LIPM: variants seen among roughly 807,000 people sequenced by gnomAD.
LIPM encodes the protein lipase family member M.
A neutral mutation model predicts 42.4 loss-of-function variants in LIPM; 42 were observed. The observed-to-expected ratio is 0.99, with a 90% CI of 0.77 to 1.28. LIPM has a LOEUF of 1.28. LIPM is among the 50% of genes most tolerant of loss of function. The pLI, the probability that LIPM is intolerant of heterozygous loss-of-function variation, is 0.00. For missense variants in LIPM, 524 were observed against 520.1 expected, an observed-to-expected ratio of 1.01 and a Z score of -0.07; for synonymous variants, 177 against 173.3, an observed-to-expected ratio of 1.02 and a Z score of -0.17.
Position 88,815,477 on chromosome 10 carries a change from G to T in LIPM, c.832G>T (p.Gly278Ter). ...TAGTAATATCATGTTACTTCTGGGT[G>T]GATTCAACACCAACAATATGAACAT... ...ICSNIMLLLG[G>*]FNTNNMNMSR... Residue 278 changes from glycine (G) to a stop codon, truncating the protein, a stop_gained, in exon 6 of 9, where the codon GGA becomes TGA. Transcript: ENST00000404743. LOFTEE classifies it high-confidence loss of function. The T allele has an allele frequency of 6.4e-7, 1 of 1,551,344 alleles. No homozygotes were observed. Among genetic ancestry groups the T allele is most frequent in the East Asian group, 2.4e-5 (1 of 40,898 alleles).
intron 8 of LIPM, 35 bp downstream of exon 8, chr10:88,817,931 T>G (rs1302019591): frequency 6.9e-7 from 1 of 1,457,908 alleles, no homozygotes; most frequent in African/African-American, 1.4e-5. Context: ...TGAAAATATA[T>G]ACATTGGAAA....
At chr10:88,804,033 T>C (rs1202714701) in intron 1 of LIPM, among the ~76,000 whole-genome samples, 1 of 152,214 alleles carries the variant, frequency 6.6e-6, no homozygotes, top group Non-Finnish European at 1.5e-5. Flanking sequence ...CTTTAACATG[T>C]ATTTATACCG....
chr10:88,814,788 AT>A, intron 4 of LIPM, 149 bp downstream of exon 4: 1 of 662,972 alleles, frequency 1.5e-6, no homozygotes, highest in South Asian at 1.9e-5. Flanking sequence ...TGTCTAGCAT[AT>A]AGACATATGT....
At chr10:88,814,438 T>C in intron 3 of LIPM, 92 bp from the exon 4 acceptor site, 1 of 808,134 alleles carries the variant, frequency 1.2e-6, no homozygotes. Context: ...AGTTGACAAC[T>C]CAAGGGCTTG....
At chr10:88,820,096 C>G in intron 8 of LIPM, 136 bp from the exon 9 acceptor site, 1 of 659,240 alleles carries the variant, frequency 1.5e-6, no homozygotes, top group Non-Finnish European at 2.5e-6. Flanking sequence ...AAATTCTTAA[C>G]AGAGTTGTGT....
Position 88,803,053 on chromosome 10 carries a change from G to T in LIPM, c.147+10G>T. The T allele has an allele frequency of 6.5e-7, 1 of 1,549,480 alleles. No individual in the cohort carries two copies. The highest frequency in any genetic ancestry group is 8.7e-7 in the Non-Finnish European group (1 of 1,146,106). On this transcript the variant is annotated intron_variant, in intron 1 of 8. Coordinates refer to ENST00000404743, the MANE Select transcript of LIPM (RefSeq NM_001128215.1). ...AGCATTCATGAATATTGTAAGTTGGGATTTCTGGGAAATGAGGTACTTAAC... is the reference window on the plus strand; with the variant it reads ...AGCATTCATGAATATTGTAAGTTGGTATTTCTGGGAAATGAGGTACTTAAC...
intron 1 of LIPM, among the ~76,000 whole-genome samples, 178 bp downstream of exon 1, chr10:88,803,221 T>C (rs1843548994): frequency 6.6e-6 from 1 of 152,210 alleles, no homozygotes; most frequent in African/African-American, 2.4e-5. Context: ...ACCTGGGGTC[T>C]CCTCACACAA....
rs1411685232 is a variant in LIPM at position 88,816,844 on chromosome 10, C to T, written c.887C>T (p.Thr296Ile). ...CGAGCAAGTGTATATGCTGCCCACA[C>T]TCTTGCTGGAACATCTGTGCAAAAT... is the stretch of plus-strand genomic sequence containing the variant. ...MSRASVYAAH[T>I]LAGTSVQNIL... The change falls in exon 7 of 9, where the codon ACT becomes ATT. Residue 296 changes from threonine (T) to isoleucine (I), a missense_variant. Coordinates refer to ENST00000404743, the MANE Select transcript of LIPM (RefSeq NM_001128215.1). The T allele has an allele frequency of 6.4e-7, 1 of 1,551,514 alleles. No homozygotes were observed. Among genetic ancestry groups the T allele is most frequent in the Admixed American group, 2.0e-5 (1 of 51,008 alleles).
At position 88,808,355 on chromosome 10, in the gene LIPM, G is replaced by T; in HGVS notation, c.205G>T (p.Asp69Tyr). ...PCEEYEVATE[D>Y]GYILSVNRIP... ...TGAGGAATATGAAGTCGCAACTGAA[G>T]ATGGGTATATCCTTTCTGTTAACAG... Residue 69 changes from aspartate to tyrosine, a missense_variant, in exon 2 of 9, where the codon GAT (aspartate) becomes TAT (tyrosine). By Grantham distance (160) the Asp-to-Tyr change is radical. Transcript: ENST00000404743. 1 of 1,551,640 alleles carries T rather than the reference G, an allele frequency of 6.4e-7. No homozygotes were observed. Among genetic ancestry groups the T allele is most frequent in the Non-Finnish European group, 8.7e-7 (1 of 1,146,882 alleles).
At chr10:88,812,946 A>T (rs534209933) in intron 2 of LIPM, 151 bp from the exon 3 acceptor site, 1 of 628,868 alleles carries the variant, frequency 1.6e-6, no homozygotes, top group Admixed American at 3.0e-5. Flanking sequence ...CACACACCAA[A>T]GGTCAAGTAA....
chr10:88,819,852 T>C (rs3910679), intron 8 of LIPM, among the ~76,000 whole-genome samples: 72,785 of 152,036 alleles, frequency 0.48, 17,627 homozygotes, highest in East Asian at 0.63. Flanking sequence ...TAATTCTTCT[T>C]TCATGAAATG....
intron 2 of LIPM, among the ~76,000 whole-genome samples, chr10:88,810,274 C>T (rs947625112): frequency 5.3e-5 from 8 of 152,134 alleles, no homozygotes; most frequent in Admixed American, 1.3e-4. Flanking sequence ...GTGGTAAAAG[C>T]ACAGTTCTTC....
At chr10:88,818,554 T>C (rs1843745754) in intron 8 of LIPM, among the ~76,000 whole-genome samples, 1 of 152,214 alleles carries the variant, frequency 6.6e-6, no homozygotes, top group African/African-American at 2.4e-5. Flanking sequence ...AGATTCAGAA[T>C]TGCACAGGTA....
chr10:88,814,071 C>G (rs982639626), intron 3 of LIPM, among the ~76,000 whole-genome samples: 2 of 152,210 alleles, frequency 1.3e-5, no homozygotes, highest in Non-Finnish European at 2.9e-5. Flanking sequence ...ATCGATTTGA[C>G]TTACCTCTCA....
chr10:88,815,092 T>C lies in LIPM; in HGVS notation c.579T>C (p.Phe193=). ...VGYSQGTTMG[F]IAFSTMPELA... ...GACATATTTCTTCTTTTGCAGGCTT[T>C]ATTGCATTTTCCACCATGCCAGAGC... Residue 193 remains phenylalanine, a synonymous_variant, in exon 5 of 9, where the codon TTT becomes TTC. Transcript: ENST00000404743. 6.5e-7 allele frequency: 1 copy of C among 1,540,894 alleles called. No individual in the cohort carries two copies. The highest frequency in any genetic ancestry group is 1.2e-5 in the South Asian group (1 of 81,310).
intron 8 of LIPM, among the ~76,000 whole-genome samples, chr10:88,819,079 G>A (rs1843754540): frequency 6.6e-6 from 1 of 151,702 alleles, no homozygotes; most frequent in African/African-American, 2.4e-5. Flanking sequence ...TTTTAGGGAT[G>A]GGGTTTCACC....
At chr10:88,806,993 C>A (rs757666754) in intron 1 of LIPM, among the ~76,000 whole-genome samples, 2 of 139,158 alleles carry the variant, frequency 1.4e-5, no homozygotes, top group Non-Finnish European at 3.0e-5. Flanking sequence ...CCGGCCTATA[C>A]ATTTTTTTAA....
intron 2 of LIPM, among the ~76,000 whole-genome samples, chr10:88,810,208 G>C (rs961827493): frequency 4.6e-5 from 7 of 152,174 alleles, no homozygotes; most frequent in Non-Finnish European, 1.0e-4. Flanking sequence ...ATGAATTATA[G>C]ATTTTGTATA....
In LIPM at chr10:88,808,441, A is replaced by C. The variant is rs59210297; in HGVS notation, c.265+26A>C. Reference sequence around the variant, plus strand: ...GTGTGGGTCACCCCATGTCACCGCAACACAGCAGTCTTCTCTGCAGTCACG... The same window carrying C: ...GTGTGGGTCACCCCATGTCACCGCACCACAGCAGTCTTCTCTGCAGTCACG... On this transcript the variant is annotated intron_variant, in intron 2 of 8. Coordinates refer to ENST00000404743, the MANE Select transcript of LIPM (RefSeq NM_001128215.1). 2.6e-3 allele frequency: 3,252 copies of C among 1,272,508 alleles called. 42 individuals carry two copies. In the East Asian group the frequency reaches 0.029, roughly 11 times the overall value. 78.8% of individuals were successfully genotyped at this position (1,272,508 alleles called of 1,614,324 possible).
Sources: gnomAD v4.1 joint callset for allele counts (sites outside exome capture counted in the v4.1 genomes callset) on GRCh38, gnomAD v4.1.1 for gene constraint, MANE v1.5 for transcripts, NCBI Gene and HGNC (gene_info 2026-07-23, HGNC 2026-07-21) for gene names.